Variants in COMMD1 observed in about 807,000 individuals in gnomAD.
COMMD1 encodes copper metabolism domain containing 1.
In COMMD1, 10 loss-of-function variants were observed where a neutral mutation model predicts 17.2. The ratio of observed to expected loss-of-function variants is 0.58; its 90% confidence interval spans 0.36 to 0.99. COMMD1 has a LOEUF of 0.99. Among genes scored for constraint, COMMD1 ranks in the 50% least tolerant of loss-of-function variants. The probability of loss-of-function intolerance (pLI) is 0.01; values close to 1 mark genes in which losing one functional copy is unlikely to be tolerated. For missense variants in COMMD1, 270 were observed against 231.8 expected, an observed-to-expected ratio of 1.17 and a Z score of -1.07; for synonymous variants, 97 against 91.6, an observed-to-expected ratio of 1.06 and a Z score of -0.34.
intron 2 of COMMD1, among the ~76,000 whole-genome samples, chr2:62,098,720 G>A (rs183665564): frequency 6.6e-6 from 1 of 152,288 alleles, no homozygotes; most frequent in East Asian, 1.9e-4. Context: ...AATATCTGTG[G>A]TACAGTTTCA....
At chr2:62,097,967 G>C (rs573825186) in intron 2 of COMMD1, among the ~76,000 whole-genome samples, 44 of 152,134 alleles carry the variant, frequency 2.9e-4, no homozygotes, top group Non-Finnish European at 5.7e-4. Context: ...TGCCCCCTTT[G>C]TGCAAGCACC....
intron 2 of COMMD1, among the ~76,000 whole-genome samples, chr2:62,074,236 G>C (rs1671276999): frequency 6.6e-6 from 1 of 152,154 alleles, no homozygotes; most frequent in South Asian, 2.1e-4. Context: ...TCATTACATA[G>C]GCATGATTGA....
intron 1 of COMMD1, among the ~76,000 whole-genome samples, chr2:61,907,143 G>A (rs553130699): frequency 1.3e-5 from 2 of 152,124 alleles, no homozygotes; most frequent in Admixed American, 1.3e-4. Flanking sequence ...GTTTTGCTTT[G>A]TTGCCAGGCT....
chr2:62,026,922 A>T (rs994150927), intron 2 of COMMD1, among the ~76,000 whole-genome samples: 1 of 152,206 alleles, frequency 6.6e-6, no homozygotes, highest in Non-Finnish European at 1.5e-5. Flanking sequence ...ATTGTAACTT[A>T]TGATTCCTTT....
chr2:61,905,731 C>T lies in COMMD1; in HGVS notation c.53C>T (p.Ala18Val), dbSNP rs184716877. The part of the protein sequence containing the change: ...GGKPLSGLLN[A>V]LAQDTFHGYP... ...AAACCCCTGAGCGGGCTGCTGAATG[C>T]GCTGGCCCAGGACACTTTCCACGGG... Residue 18 changes from alanine (A) to valine (V), a missense_variant, in exon 1 of 3, where the codon GCG becomes GTG. Transcript: ENST00000311832. The T allele has an allele frequency of 1.9e-6, 3 of 1,611,252 alleles. No individual in the cohort carries two copies. Among genetic ancestry groups the T allele is most frequent in the Admixed American group, 1.7e-5 (1 of 59,622 alleles).
chr2:62,038,974 A>G (rs1230005879), intron 2 of COMMD1, among the ~76,000 whole-genome samples: 1 of 152,100 alleles, frequency 6.6e-6, no homozygotes, highest in Non-Finnish European at 1.5e-5. Flanking sequence ...ATTTTGAAAA[A>G]CTTATATTGA....
chr2:62,110,986 G>A (rs1345171496), intron 2 of COMMD1, among the ~76,000 whole-genome samples: 1 of 152,102 alleles, frequency 6.6e-6, no homozygotes, highest in Non-Finnish European at 1.5e-5. Context: ...GCCACGAAAA[G>A]CACCATAAAA....
chr2:62,045,399 G>A (rs1337241990), intron 2 of COMMD1, among the ~76,000 whole-genome samples: 2 of 152,160 alleles, frequency 1.3e-5, no homozygotes, highest in Admixed American at 1.3e-4. Flanking sequence ...GAGCAGTAAA[G>A]ATTTATAGAA....
At chr2:62,008,217 ATACTGAGCTTGGTCATGT>A (rs1669176785) in intron 2 of COMMD1, among the ~76,000 whole-genome samples, 1 of 152,188 alleles carries the variant, frequency 6.6e-6, no homozygotes, top group Non-Finnish European at 1.5e-5. Flanking sequence ...AAATCAGTTT[ATACTGAGCTTGGTCATGT>A]ACCACTGTAG....
intron 1 of COMMD1, among the ~76,000 whole-genome samples, chr2:61,890,370 C>T (rs187926270): frequency 3.3e-5 from 5 of 152,138 alleles, no homozygotes; most frequent in African/African-American, 2.4e-5. Flanking sequence ...CGGGCATGCA[C>T]CACCATGCCC....
intron 1 of COMMD1, among the ~76,000 whole-genome samples, chr2:61,920,852 G>T (rs1670170682): frequency 6.6e-6 from 1 of 151,212 alleles, no homozygotes; most frequent in Admixed American, 6.6e-5. Context: ...ATTTTTACTA[G>T]AGAAAATCCT....
At chr2:61,931,702 G>C (rs1460017293) in intron 1 of COMMD1, among the ~76,000 whole-genome samples, 1 of 152,208 alleles carries the variant, frequency 6.6e-6, no homozygotes, top group East Asian at 1.9e-4. Context: ...ATGGCTTTGA[G>C]GGGGTGAACA....
Position 61,976,603 on chromosome 2 carries a change from G to A in COMMD1, c.181-24098G>A, listed in dbSNP as rs1248402259. On this transcript the variant is annotated intron_variant, in intron 1 of 2. Coordinates refer to ENST00000311832, the MANE Select transcript of COMMD1 (RefSeq NM_152516.4). Reference sequence around the variant, plus strand: ...GCACTCCTATCAGTAATGGACAAATGTAGCAGGCAAAAAATCACCAAGGAT... The same window carrying A: ...GCACTCCTATCAGTAATGGACAAATATAGCAGGCAAAAAATCACCAAGGAT... Among the ~76,000 whole-genome samples, 4 of 152,258 alleles carry A rather than the reference G, an allele frequency of 2.6e-5. No homozygotes were observed. The South Asian group carries it at 8.3e-4, about 32-fold the overall frequency.
At chr2:61,932,843 C>G (rs886541881) in intron 1 of COMMD1, among the ~76,000 whole-genome samples, 2 of 152,160 alleles carry the variant, frequency 1.3e-5, no homozygotes, top group Non-Finnish European at 2.9e-5. Flanking sequence ...GTGTGGACCC[C>G]GTAGCAGCAT....
intron 1 of COMMD1, among the ~76,000 whole-genome samples, chr2:61,964,759 G>C (rs1022800327): frequency 6.6e-6 from 1 of 152,224 alleles, no homozygotes; most frequent in Non-Finnish European, 1.5e-5. Flanking sequence ...TGTAATCCCA[G>C]CTACTCAGGA....
upstream of COMMD1, among the ~76,000 whole-genome samples, chr2:61,902,675 A>G (rs1306934283): frequency 6.6e-6 from 1 of 152,198 alleles, no homozygotes; most frequent in Non-Finnish European, 1.5e-5. Context: ...CATGTATCAT[A>G]TGGCAAAGGT....
At chr2:62,034,942 T>C (rs1573097008) in intron 2 of COMMD1, among the ~76,000 whole-genome samples, 1 of 152,248 alleles carries the variant, frequency 6.6e-6, no homozygotes, top group African/African-American at 2.4e-5. Flanking sequence ...TTTGCTCTCA[T>C]GACAGCCAAA....
rs57739132 is a variant in COMMD1, at chr2:62,012,270, T to TACACACACAC, written c.462+11319_462+11328dup. On this transcript the variant is annotated intron_variant, in intron 2 of 2. Transcript: ENST00000311832. ...AGACCTTGTCTCAAACACACACACA[T>TACACACACAC]ACACACACACACACACACACACACA... Among the ~76,000 whole-genome samples the TACACACACAC allele has an allele frequency of 1.1e-3, 141 of 129,934 alleles. 1 individual carries two copies. The highest frequency in any genetic ancestry group is 2.6e-3 in the African/African-American group (85 of 32,936). The allele number at this position is 129,934 out of a possible 152,430, so 85.2% of individuals were successfully genotyped here. A position where few individuals can be genotyped will look rare whatever the true frequency, so the allele number is the denominator to read the frequency against.
At chr2:62,048,407 C>G (rs954821999) in intron 2 of COMMD1, among the ~76,000 whole-genome samples, 11 of 151,966 alleles carry the variant, frequency 7.2e-5, no homozygotes, top group Non-Finnish European at 1.2e-4. Context: ...TCAGGATAGT[C>G]TTGATCTCCT....
Sources: allele counts gnomAD v4.1 joint callset (sites outside exome capture counted in the v4.1 genomes callset), GRCh38; gene constraint gnomAD v4.1.1; transcripts MANE v1.5; gene names NCBI Gene and HGNC (gene_info 2026-07-23, HGNC 2026-07-21).